The following ZNF804B variants were observed in gnomAD, a reference collection of about 807,000 sequenced individuals.
The protein encoded by ZNF804B is zinc finger 804B.
ZNF804B carries 80 observed loss-of-function variants against 101.4 expected under a neutral mutation model. The ratio of observed to expected loss-of-function variants is 0.79; its 90% confidence interval spans 0.66 to 0.95. The LOEUF (loss-of-function observed/expected upper bound fraction) is 0.95, where lower values mean the gene tolerates loss of function less well. Ranked by LOEUF, ZNF804B falls within the 40% of genes least tolerant of loss-of-function variation. ZNF804B has a pLI of 0.00. For missense variants in ZNF804B, 1,673 were observed against 1,561.9 expected (o/e 1.07, Z -1.20); for synonymous variants, 622 against 558.8 (o/e 1.11, Z -1.59).
chr7:89,307,795 A>G (rs1243578446), intron 2 of ZNF804B, among the ~76,000 whole-genome samples: 1 of 152,096 alleles, frequency 6.6e-6, no homozygotes, highest in Non-Finnish European at 1.5e-5. Flanking sequence ...AAAATGAGAA[A>G]TTTAAAAAGA....
chr7:89,178,382 G>C (rs1187740091), intron 1 of ZNF804B, among the ~76,000 whole-genome samples: 1 of 148,732 alleles, frequency 6.7e-6, no homozygotes, highest in East Asian at 2.0e-4. Flanking sequence ...TTTTTATAGT[G>C]CTATATTTTA....
Position 88,987,911 on chromosome 7 carries a change from C to T in ZNF804B, c.108+227827C>T, listed in dbSNP as rs913130826. ...CAAACCTTCTTAATCCCCTCCTCCT[C>T]CCTTTTCTTCCCAGCCTCTGGTAAC... On this transcript the variant is annotated intron_variant, in intron 1 of 3. Transcript: ENST00000333190. Among the ~76,000 whole-genome samples, 16 of 152,068 alleles carry T rather than the reference C, an allele frequency of 1.1e-4. No individual in the cohort carries two copies. In the East Asian group the frequency reaches 2.3e-3, roughly 22 times the overall value.
At chr7:88,969,040 G>T (rs888248896) in intron 1 of ZNF804B, among the ~76,000 whole-genome samples, 1 of 151,598 alleles carries the variant, frequency 6.6e-6, no homozygotes, top group Middle Eastern at 3.4e-3. Context: ...TATTAAAGCA[G>T]CTAATGTTTC....
intron 1 of ZNF804B, among the ~76,000 whole-genome samples, chr7:88,913,561 A>G (rs1003982739): frequency 6.6e-6 from 1 of 152,000 alleles, no homozygotes; most frequent in African/African-American, 2.4e-5. Context: ...GGCCCGGTTA[A>G]TTTTTTTGTT....
chr7:88,882,593 T>C (rs1186883742), intron 1 of ZNF804B, among the ~76,000 whole-genome samples: 1 of 152,136 alleles, frequency 6.6e-6, no homozygotes, highest in Non-Finnish European at 1.5e-5. Flanking sequence ...TGCAGTACTA[T>C]TCACAATAAC....
chr7:89,329,683 C>T (rs890417898), intron 3 of ZNF804B, among the ~76,000 whole-genome samples: 8 of 151,598 alleles, frequency 5.3e-5, no homozygotes, highest in Admixed American at 4.6e-4. Flanking sequence ...TTATATGGGG[C>T]TGAGGGTTTA....
intron 1 of ZNF804B, among the ~76,000 whole-genome samples, chr7:88,908,355 C>T (rs1335027397): frequency 6.6e-6 from 1 of 150,924 alleles, no homozygotes; most frequent in Non-Finnish European, 1.5e-5. Flanking sequence ...GATAGTTACT[C>T]CCAGAAAAAT....
intron 1 of ZNF804B, among the ~76,000 whole-genome samples, chr7:88,844,507 C>T (rs762860967): frequency 6.6e-6 from 1 of 152,118 alleles, no homozygotes; most frequent in Non-Finnish European, 1.5e-5. Context: ...TATTGATAAA[C>T]AAGAAGTTAG....
At position 89,168,824 on chromosome 7, in the gene ZNF804B, A is replaced by G. The variant is rs554099008; in HGVS notation, c.109-49331A>G. 6.7e-4 allele frequency among the ~76,000 whole-genome samples: 102 copies of G among 152,060 alleles called. No homozygotes were observed. In the South Asian group the frequency reaches 0.021, roughly 31 times the overall value. On this transcript the variant is annotated intron_variant, in intron 1 of 3. Coordinates refer to ENST00000333190, the MANE Select transcript of ZNF804B (RefSeq NM_181646.5). ...TTCTTCAAAGTACAGTGAGAACTTAATTGATACTTGTGAAGCTATATTGTT... is the reference window on the plus strand; with the variant it reads ...TTCTTCAAAGTACAGTGAGAACTTAGTTGATACTTGTGAAGCTATATTGTT...
intron 1 of ZNF804B, among the ~76,000 whole-genome samples, chr7:88,891,939 G>A (rs1271873106): frequency 6.6e-6 from 1 of 151,822 alleles, no homozygotes; most frequent in African/African-American, 2.4e-5. Flanking sequence ...TGTTCTCATT[G>A]TTCAATTCCC....
intron 1 of ZNF804B, among the ~76,000 whole-genome samples, chr7:88,872,867 C>A (rs1397722758): frequency 6.6e-6 from 1 of 150,906 alleles, no homozygotes; most frequent in Non-Finnish European, 1.5e-5. Context: ...TCCAGTCTAT[C>A]ATTGTTGGAC....
At chr7:88,923,071 G>A (rs1792747679) in intron 1 of ZNF804B, among the ~76,000 whole-genome samples, 1 of 151,932 alleles carries the variant, frequency 6.6e-6, no homozygotes, top group Non-Finnish European at 1.5e-5. Context: ...ATTTAATTAT[G>A]AGGTATAGAA....
intron 1 of ZNF804B, among the ~76,000 whole-genome samples, chr7:88,930,258 A>G (rs746279419): frequency 6.6e-6 from 1 of 151,970 alleles, no homozygotes; most frequent in Non-Finnish European, 1.5e-5. Context: ...TTATTTGATT[A>G]TGTGTTGGGA....
intron 1 of ZNF804B, among the ~76,000 whole-genome samples, chr7:89,192,508 C>T (rs1457765466): frequency 2.0e-5 from 3 of 151,852 alleles, no homozygotes; most frequent in African/African-American, 7.3e-5. Flanking sequence ...TTCTATGATT[C>T]CATTTATATA....
At chr7:89,102,856 A>T (rs1405932763) in intron 1 of ZNF804B, among the ~76,000 whole-genome samples, 1 of 151,728 alleles carries the variant, frequency 6.6e-6, no homozygotes, top group Non-Finnish European at 1.5e-5. Context: ...TAATTTTTGT[A>T]TATGGTGGGT....
At chr7:88,888,250 G>T (rs1583998882) in intron 1 of ZNF804B, among the ~76,000 whole-genome samples, 1 of 152,230 alleles carries the variant, frequency 6.6e-6, no homozygotes, top group East Asian at 1.9e-4. Flanking sequence ...AAATTAGCCA[G>T]GCGTGGTGGG....
intron 1 of ZNF804B, among the ~76,000 whole-genome samples, chr7:88,838,658 A>G (rs1273187240): frequency 6.6e-6 from 1 of 151,948 alleles, no homozygotes; most frequent in Non-Finnish European, 1.5e-5. Context: ...TAGTGGTAAG[A>G]GCAGGGGCTC....
chr7:88,926,588 A>G (rs1447265615), intron 1 of ZNF804B, among the ~76,000 whole-genome samples: 1 of 152,144 alleles, frequency 6.6e-6, no homozygotes, highest in Admixed American at 6.6e-5. Context: ...AGCCTGGGTG[A>G]CAGAGTGAGA....
intron 1 of ZNF804B, among the ~76,000 whole-genome samples, chr7:89,200,948 C>G (rs1469508198): frequency 6.6e-6 from 1 of 151,930 alleles, no homozygotes; most frequent in African/African-American, 2.4e-5. Context: ...GGCATTCCTC[C>G]CTACATGGGC....
Sources: gnomAD v4.1 joint callset for allele counts (sites outside exome capture counted in the v4.1 genomes callset) on GRCh38, gnomAD v4.1.1 for gene constraint, MANE v1.5 for transcripts, NCBI Gene and HGNC (gene_info 2026-07-23, HGNC 2026-07-21) for gene names.